COL5A1: variants seen among roughly 807,000 people sequenced by gnomAD.
COL5A1 encodes the protein collagen alpha-1(V) chain.
COL5A1 carries 16 observed loss-of-function variants against 263.7 expected under a neutral mutation model. That is an observed-to-expected ratio of 0.06 (90% CI 0.04 to 0.09). COL5A1 has a LOEUF of 0.09. Ranked by LOEUF, COL5A1 falls within the 10% of genes least tolerant of loss-of-function variation. The pLI is 1.00. For missense variants in COL5A1, 2,036 were observed against 2,540.5 expected, an observed-to-expected ratio of 0.80 and a Z score of 4.27; for synonymous variants, 1,012 against 1,004.5, an observed-to-expected ratio of 1.01 and a Z score of -0.14.
chr9:134,776,695 C>T (rs1837065747), intron 27 of COL5A1, among the ~76,000 whole-genome samples: 1 of 152,180 alleles, frequency 6.6e-6, no homozygotes, highest in South Asian at 2.1e-4. Context: ...ACCTTCTTCC[C>T]AGGAAAAGGT....
intron 37 of COL5A1, among the ~76,000 whole-genome samples, chr9:134,799,199 T>C (rs139035883): frequency 8.7e-4 from 132 of 152,310 alleles, no homozygotes; most frequent in African/African-American, 2.9e-3. Context: ...CTCCAGTGTT[T>C]TCAGTTGGGA....
At position 134,758,342 on chromosome 9, in the gene COL5A1, A is replaced by G. The variant is rs756748231; in HGVS notation, c.1935+46A>G. On this transcript the variant is annotated intron_variant, in intron 18 of 65. Coordinates refer to ENST00000371817, the MANE Select transcript of COL5A1 (RefSeq NM_000093.5). This position sits in a 1 kb window ranked among gnomAD's most constrained non-coding sequence, Gnocchi z 4.1. The stretch of plus-strand genomic sequence containing the variant: ...ACACAGGCATGACGATGGGCAGCAG[A>G]GGTGTCTCTCGGGAGGCCCTTCTCC... The G allele has an allele frequency of 3.8e-6, 6 of 1,595,410 alleles. No homozygotes were observed. Among genetic ancestry groups the G allele is most frequent in the Non-Finnish European group, 4.3e-6 (5 of 1,163,214 alleles).
At chr9:134,718,577 C>T (rs11103479) in intron 4 of COL5A1, among the ~76,000 whole-genome samples, 49,640 of 152,112 alleles carry the variant, frequency 0.33, 8,645 homozygotes, top group African/African-American at 0.44. Context: ...ATCTGCCAGG[C>T]GAATTGGGCA....
chr9:134,679,087 A>G (rs1832758602), intron 1 of COL5A1, among the ~76,000 whole-genome samples: 1 of 152,178 alleles, frequency 6.6e-6, no homozygotes, highest in South Asian at 2.1e-4. Context: ...TGACACCCTT[A>G]AAGTGATACC....
rs374833612 is a variant in COL5A1 at position 134,704,673 on chromosome 9, G to A, written c.654+3340G>A. 8.2e-4 allele frequency among the ~76,000 whole-genome samples: 125 copies of A among 152,264 alleles called. No individual in the cohort carries two copies. The Middle Eastern group carries it at 0.024, about 29-fold the overall frequency. On this transcript the variant is annotated intron_variant, in intron 4 of 65. Transcript: ENST00000371817. The stretch of plus-strand genomic sequence containing the variant: ...AAGTTGTTAATGGTCTGGAGGAGGT[G>A]TTTTCCTAGCCCCAGAGTTTCCTGG...
Position 134,690,940 on chromosome 9 carries a change from A to G in COL5A1, c.138A>G (p.Leu46=). 6 of 1,613,824 alleles carry G rather than the reference A, an allele frequency of 3.7e-6. No individual in the cohort carries two copies. The highest frequency in any genetic ancestry group is 5.1e-6 in the Non-Finnish European group (6 of 1,180,048). ...AAQPADLLKV[L]DFHNLPDGIT... ...AGCCAGCAGATCTCCTGAAGGTTCT[A>G]GATTTTCACAACTTGCCTGATGGAA... The change falls in exon 2 of 66, where the codon CTA becomes CTG. Residue 46 remains leucine (L), a synonymous_variant. Transcript: ENST00000371817.
At chr9:134,671,067 G>A (rs748829519) in intron 1 of COL5A1, among the ~76,000 whole-genome samples, 5 of 151,880 alleles carry the variant, frequency 3.3e-5, no homozygotes, top group Non-Finnish European at 4.4e-5. Context: ...TGACTCAGTC[G>A]TCTGGGGCAG....
At chr9:134,762,101 G>C in intron 19 of COL5A1, 123 bp downstream of exon 19, 1 of 968,198 alleles carries the variant, frequency 1.0e-6, no homozygotes, top group Non-Finnish European at 1.6e-6. Flanking sequence ...AGGGCCAGCT[G>C]GGAGAAGGCA....
At chr9:134,815,248 C>T (rs572625138) in intron 50 of COL5A1, among the ~76,000 whole-genome samples, 2 of 152,202 alleles carry the variant, frequency 1.3e-5, no homozygotes, top group Non-Finnish European at 2.9e-5. Context: ...AGGCACATTC[C>T]GGAAGTCTGA....
Position 134,815,998 on chromosome 9 carries a change from C to T in COL5A1, c.4122+10C>T. Reference sequence around the variant, plus strand: ...TGAACCCGGGCAGACGGTGAGTCCACAATCTGGGCTGGCTTCCTGGTGGAG... The same window carrying T: ...TGAACCCGGGCAGACGGTGAGTCCATAATCTGGGCTGGCTTCCTGGTGGAG... On this transcript the variant is annotated intron_variant, in intron 52 of 65. Transcript: ENST00000371817. 1 of 1,613,918 alleles carries T rather than the reference C, an allele frequency of 6.2e-7. No homozygotes were observed. The highest frequency in any genetic ancestry group is 8.5e-7 in the Non-Finnish European group (1 of 1,179,870).
chr9:134,724,746 A>G (rs1042286919), intron 4 of COL5A1, among the ~76,000 whole-genome samples: 1 of 152,182 alleles, frequency 6.6e-6, no homozygotes, highest in Non-Finnish European at 1.5e-5. Context: ...CCGCGGCTGC[A>G]GGCCAGAGTC....
intron 4 of COL5A1, among the ~76,000 whole-genome samples, chr9:134,719,981 G>A (rs1301527779): frequency 2.6e-5 from 4 of 152,152 alleles, no homozygotes; most frequent in Non-Finnish European, 4.4e-5. Flanking sequence ...GAGGGGGACT[G>A]TGGGGACCAT....
At chr9:134,797,081 G>A (rs904890596) in intron 36 of COL5A1, among the ~76,000 whole-genome samples, 180 bp downstream of exon 36, 7 of 152,248 alleles carry the variant, frequency 4.6e-5, no homozygotes, top group East Asian at 1.9e-4. Context: ...CCCCCCCACC[G>A]CCAAGGCGGC....
rs550233742 is a variant in COL5A1, at chr9:134,672,820, C to T, written c.110-18092C>T. On this transcript the variant is annotated intron_variant, in intron 1 of 65. Coordinates refer to ENST00000371817, the MANE Select transcript of COL5A1 (RefSeq NM_000093.5). Reference sequence around the variant, plus strand: ...TCTAGAACTAAAAAGTTTAGCATGGCGACAGAATACAAAGTCAATTTACAA... The same window carrying T: ...TCTAGAACTAAAAAGTTTAGCATGGTGACAGAATACAAAGTCAATTTACAA... Among the ~76,000 whole-genome samples the T allele has an allele frequency of 4.6e-5, 7 of 152,088 alleles. No homozygotes were observed. The East Asian group carries it at 1.2e-3, about 25-fold the overall frequency.
In COL5A1 at chr9:134,841,305, G is replaced by T. The variant is rs546569318; in HGVS notation, c.5371-852G>T. 6.6e-6 allele frequency among the ~76,000 whole-genome samples: 1 copy of T among 152,348 alleles called. No individual in the cohort carries two copies. Among genetic ancestry groups the T allele is most frequent in the South Asian group, 2.1e-4 (1 of 4,822 alleles). ...TGTCTTGGGGGAAGTTGACGGGACA[G>T]CAGGGCCAGCTCAGCCTCAGTTATA... is the stretch of plus-strand genomic sequence containing the variant. On this transcript the variant is annotated intron_variant, in intron 65 of 65. Coordinates refer to ENST00000371817, the MANE Select transcript of COL5A1 (RefSeq NM_000093.5). The surrounding 1 kb of genome is among the most constrained non-coding windows in gnomAD (Gnocchi z 4.8).
chr9:134,696,717 T>C lies in COL5A1; in HGVS notation c.278-3192T>C, dbSNP rs1833482963. 6.6e-6 allele frequency among the ~76,000 whole-genome samples: 1 copy of C among 152,200 alleles called. No homozygotes were observed. Among genetic ancestry groups the C allele is most frequent in the Non-Finnish European group, 1.5e-5 (1 of 68,034 alleles). ...TTTAGTTTCAACACAAATGCATTTA[T>C]TGTACTCCTACTGCATACCTAAAAT... On this transcript the variant is annotated intron_variant, in intron 2 of 65. Coordinates refer to ENST00000371817, the MANE Select transcript of COL5A1 (RefSeq NM_000093.5). This position sits in a 1 kb window ranked among gnomAD's most constrained non-coding sequence, Gnocchi z 4.3.
At chr9:134,746,362 C>T (rs888093572) in intron 11 of COL5A1, among the ~76,000 whole-genome samples, 1 of 152,222 alleles carries the variant, frequency 6.6e-6, no homozygotes, top group Non-Finnish European at 1.5e-5. Context: ...ACAGCTCCTC[C>T]CAAACCTGCC....
At chr9:134,820,284 A>G in intron 58 of COL5A1, 61 bp downstream of exon 58, 1 of 1,345,916 alleles carries the variant, frequency 7.4e-7, no homozygotes, top group Non-Finnish European at 1.1e-6. Context: ...TCCCTGGGGC[A>G]GGCACCCAGG....
chr9:134,686,609 T>G lies in COL5A1; in HGVS notation c.110-4303T>G, dbSNP rs1273330107. The stretch of plus-strand genomic sequence containing the variant: ...TTAAAACTGACCTTGCTGGCGTCCA[T>G]TCCTTTATAGGTCTGGGGACCTGAT... On this transcript the variant is annotated intron_variant, in intron 1 of 65. Coordinates refer to ENST00000371817, the MANE Select transcript of COL5A1 (RefSeq NM_000093.5). The surrounding 1 kb of genome is among the most constrained non-coding windows in gnomAD (Gnocchi z 4.6). Among the ~76,000 whole-genome samples the G allele has an allele frequency of 1.3e-5, 2 of 152,122 alleles. No individual in the cohort carries two copies. The highest frequency in any genetic ancestry group is 4.1e-4 in the South Asian group (2 of 4,824).
Sources: allele counts gnomAD v4.1 joint callset (sites outside exome capture counted in the v4.1 genomes callset), GRCh38; gene constraint gnomAD v4.1.1; non-coding constraint Gnocchi (gnomAD v3.1); transcripts MANE v1.5; gene names NCBI Gene and HGNC (gene_info 2026-07-23, HGNC 2026-07-21).